Variants in AGRN observed in about 807,000 individuals in gnomAD.
AGRN encodes the protein agrin, also known as agrin proteoglycan.
In AGRN, 106 loss-of-function variants were observed where a neutral mutation model predicts 211.0. The ratio of observed to expected loss-of-function variants is 0.50; its 90% confidence interval spans 0.43 to 0.59. AGRN has a LOEUF of 0.59. Among genes scored for constraint, AGRN ranks in the 20% least tolerant of loss-of-function variants. The pLI is 0.00. For synonymous variants in AGRN, 1,525 were observed against 1,332.5 expected (o/e 1.14, Z -3.15); for missense variants, 3,040 against 2,982.6 (o/e 1.02, Z -0.45).
intron 2 of AGRN, 80 bp downstream of exon 2, chr1:1,022,542 G>GC (rs1191780157): frequency 1.3e-6 from 2 of 1,494,380 alleles, no homozygotes; most frequent in African/African-American, 2.8e-5. Context: ...GGGTCGCTGT[G>GC]CGGGGTCCTT....
Position 1,047,580 on chromosome 1 carries a change from A to G in AGRN, c.3524A>G (p.Asp1175Gly), listed in dbSNP as rs536978031. 3.2e-5 allele frequency: 51 copies of G among 1,612,664 alleles called. No homozygotes were observed. The Admixed American group carries it at 7.7e-4, about 24-fold the overall frequency. Residue 1175 changes from aspartate (D) to glycine (G), a missense_variant, in exon 21 of 36, where the codon GAC becomes GGC. By Grantham distance (94) the Asp-to-Gly change is moderately conservative. Coordinates refer to ENST00000379370, the MANE Select transcript of AGRN (RefSeq NM_198576.4). ...GCCTACTCCCTGCCACAGCTGGACG[A>G]CCTCTTCCGGAATTCAGACGTCAAG... Reference protein sequence around the residue: ...TARSIESTLDDLFRNSDVKKD... With the variant: ...TARSIESTLDGLFRNSDVKKD...
chr1:1,037,668 T>C (rs944341413), intron 3 of AGRN, among the ~76,000 whole-genome samples: 1 of 151,946 alleles, frequency 6.6e-6, no homozygotes, highest in African/African-American at 2.4e-5. Flanking sequence ...AAATGACCCA[T>C]CGGGAACACA....
At chr1:1,024,126 C>T (rs1167556625) in intron 2 of AGRN, among the ~76,000 whole-genome samples, 1 of 151,950 alleles carries the variant, frequency 6.6e-6, no homozygotes, top group African/African-American at 2.4e-5. Flanking sequence ...CAGGAGCTTC[C>T]GGTGGGACAT....
chr1:1,028,272 C>T (rs1329455176), intron 2 of AGRN, among the ~76,000 whole-genome samples: 4 of 150,464 alleles, frequency 2.7e-5, no homozygotes, highest in East Asian at 3.9e-4. Context: ...ATTCCTGCCT[C>T]GGAGCTGCCG....
At chr1:1,022,488 G>A (rs777082940) in intron 2 of AGRN, 26 bp downstream of exon 2, 1 of 1,591,630 alleles carries the variant, frequency 6.3e-7, no homozygotes, top group Non-Finnish European at 8.6e-7. Flanking sequence ...CTCGTGTGGG[G>A]GCCTGTGGGG....
rs373572083 is a variant in AGRN, at chr1:1,046,618, G to A, written c.3133G>A (p.Ala1045Thr). ...GCCCGTGCTGACGGTGCCCCCCACG[G>A]CACCCTCCCCTGCACCCAGCCTGGT... Reference protein sequence around the residue: ...VWPVLTVPPTAPSPAPSLVAS... With the variant: ...VWPVLTVPPTTPSPAPSLVAS... Residue 1045 changes from alanine to threonine, a missense_variant, in exon 18 of 36, where the codon GCA becomes ACA. Around this residue, in one of 3 missense-constraint regions of AGRN, gnomAD observed 1,537 missense variants for 1,505.0 expected, o/e 1.02. Transcript: ENST00000379370. The A allele has an allele frequency of 1.2e-5, 19 of 1,603,018 alleles. No homozygotes were observed. The highest frequency in any genetic ancestry group is 1.3e-5 in the Non-Finnish European group (15 of 1,179,238).
intron 18 of AGRN, 36 bp downstream of exon 18, chr1:1,046,771 G>T: frequency 6.4e-7 from 1 of 1,571,006 alleles, no homozygotes; most frequent in Non-Finnish European, 8.6e-7. Context: ...TGGGTGGGCA[G>T]GCGCCGAGAG....
Position 1,049,550 on chromosome 1 carries a change from TC to T in AGRN, c.4515-13del. ...GTGGCCCCTGAGCCCTGACCCGGTG[TC>T]CCTCCTGGTGGCAGGGCGCTGGAGC... On this transcript the variant is annotated splice_polypyrimidine_tract_variant and intron_variant, in intron 25 of 35. Coordinates refer to ENST00000379370, the MANE Select transcript of AGRN (RefSeq NM_198576.4). The T allele has an allele frequency of 2.5e-6, 4 of 1,589,994 alleles. No homozygotes were observed. The highest frequency in any genetic ancestry group is 2.6e-6 in the Non-Finnish European group (3 of 1,169,692).
rs143324306 is a variant in AGRN, at chr1:1,044,017, G to A, written c.1993G>A (p.Glu665Lys). ...CGAGGAGGCCCGGGCAGGGCCGTGC[G>A]AGCAGGGTAGGCCGGGGGACGCTGG... ...QIEEARAGPCEQAECGSGGSG... is the reference protein window; with the variant it reads ...QIEEARAGPCKQAECGSGGSG... Residue 665 changes from glutamate (E) to lysine (K), a missense_variant, in exon 10 of 36, where the codon GAG becomes AAG. Physicochemically the swap from Glu to Lys is moderately conservative, Grantham distance 56. Around this residue, in one of 3 missense-constraint regions of AGRN, gnomAD observed 1,498 missense variants for 1,457.8 expected, o/e 1.03. Transcript: ENST00000379370. 2.4e-3 allele frequency: 3,895 copies of A among 1,609,284 alleles called. 25 individuals are homozygous for A. The highest frequency in any genetic ancestry group is 2.6e-3 in the Non-Finnish European group (3,015 of 1,179,396).
rs147081710 is a variant in AGRN, at chr1:1,043,367, G to A, written c.1513G>A (p.Asp505Asn). 1.2e-4 allele frequency: 197 copies of A among 1,610,024 alleles called. No individual in the cohort carries two copies. The highest frequency in any genetic ancestry group is 2.9e-4 in the African/African-American group (22 of 74,924). Residue 505 changes from aspartate to asparagine, a missense_variant, in exon 8 of 36, where the codon GAC becomes AAC. Physicochemically the swap from Asp to Asn is conservative, Grantham distance 23. Transcript: ENST00000379370. ...SSLYDPVCGS[D>N]GVTYGSACEL... Reference sequence around the variant, plus strand: ...CCTCTACGATCCTGTGTGCGGCAGCGACGGCGTCACATACGGCAGCGCGTG... The same window carrying A: ...CCTCTACGATCCTGTGTGCGGCAGCAACGGCGTCACATACGGCAGCGCGTG...
intron 2 of AGRN, chr1:1,035,046 G>A (rs945082843): frequency 1.6e-6 from 1 of 610,954 alleles, no homozygotes; most frequent in African/African-American, 1.8e-5. Context: ...CATCTGACAG[G>A]GGTCAGGCCA....
At chr1:1,025,808 G>A (rs947604797) in intron 2 of AGRN, among the ~76,000 whole-genome samples, 11 of 151,928 alleles carry the variant, frequency 7.2e-5, no homozygotes, top group Admixed American at 6.5e-5. Context: ...GTAGGAAGTT[G>A]GGGCCCCACC....
In AGRN at chr1:1,046,923, G is replaced by A. The variant is rs774878358; in HGVS notation, c.3354G>A (p.Thr1118=). The change falls in exon 19 of 36, where the codon ACG becomes ACA. Residue 1118 remains threonine (T), a synonymous_variant. Transcript: ENST00000379370. ...SALGCCSDGK[T]PSLDAEGSNC... is the part of the protein sequence containing the mutation. ...TGGGCTGCTGCTCTGATGGGAAGAC[G>A]CCCTCGCTGGACGCAGAGGGCTCCA... 33 of 1,578,848 alleles carry A rather than the reference G, an allele frequency of 2.1e-5. No individual in the cohort carries two copies. In the East Asian group the frequency reaches 5.8e-4, roughly 28 times the overall value.
intron 33 of AGRN, chr1:1,052,650 C>A (rs1218922942): frequency 2.1e-5 from 3 of 143,976 alleles, no homozygotes; most frequent in Non-Finnish European, 4.1e-5. Context: ...TGTGTGTGTC[C>A]GTGTGTGTGC....
intron 17 of AGRN, 33 bp downstream of exon 17, chr1:1,046,298 C>G: frequency 6.2e-7 from 1 of 1,612,154 alleles, no homozygotes; most frequent in Non-Finnish European, 8.5e-7. Flanking sequence ...CCAGAACTGA[C>G]CAGGAAGGCC....
At chr1:1,043,186 C>CCTGCAGCG in intron 7 of AGRN, 53 bp from the exon 8 acceptor site, 1 of 1,549,526 alleles carries the variant, frequency 6.5e-7, no homozygotes, top group South Asian at 1.2e-5. Flanking sequence ...GGGGGCTTTG[C>CCTGCAGCG]CTGCAGCGGA....
At position 1,053,881 on chromosome 1, in the gene AGRN, A is replaced by G; in HGVS notation, c.5780A>G (p.His1927Arg). ...GTGGCACTGGCCATTGTGGACGGGCACCTGCAACTGAGCTACAACCTGGGC... is the reference window on the plus strand; with the variant it reads ...GTGGCACTGGCCATTGTGGACGGGCGCCTGCAACTGAGCTACAACCTGGGC... ...DYVALAIVDG[H>R]LQLSYNLGSQ... Residue 1927 changes from histidine to arginine, a missense_variant, in exon 34 of 36, where the codon CAC (histidine) becomes CGC (arginine). Physicochemically the swap from His to Arg is conservative, Grantham distance 29. Transcript: ENST00000379370. The G allele has an allele frequency of 6.2e-7, 1 of 1,609,324 alleles. No individual in the cohort carries two copies. Among genetic ancestry groups the G allele is most frequent in the South Asian group, 1.1e-5 (1 of 90,182 alleles).
rs1645173599 is a variant in AGRN at position 1,048,691 on chromosome 1, T to G, written c.4106-176T>G. ...CTGAGGCAGGAGAATCGCTTGAACC[T>G]GGCAGGCGGAGGTTGCGGTGAGCCA... is the stretch of plus-strand genomic sequence containing the variant. On this transcript the variant is annotated intron_variant, in intron 23 of 35. Coordinates refer to ENST00000379370, the MANE Select transcript of AGRN (RefSeq NM_198576.4). The surrounding 1 kb of genome is among the most constrained non-coding windows in gnomAD (Gnocchi z 5.9). 4.9e-5 allele frequency: 37 copies of G among 752,140 alleles called. No homozygotes were observed. In the South Asian group the frequency reaches 6.6e-4, roughly 13 times the overall value. The allele number at this position is 752,140 out of a possible 1,614,324, so 46.6% of individuals were successfully genotyped here.
rs775386853 is a variant in AGRN at position 1,041,659 on chromosome 1, T to G, written c.1134T>G (p.Gly378=). Residue 378 remains glycine (G), a synonymous_variant, in exon 6 of 36, where the codon GGT becomes GGG. Coordinates refer to ENST00000379370, the MANE Select transcript of AGRN (RefSeq NM_198576.4). ...TGGGCCGATCGGGGGCCGCCCGGGGTCTCCTCCTGCAGAAAGTGCGCTCCG... is the reference window on the plus strand; with the variant it reads ...TGGGCCGATCGGGGGCCGCCCGGGGGCTCCTCCTGCAGAAAGTGCGCTCCG... ...CVMGRSGAAR[G]LLLQKVRSGQ... 2 of 1,608,964 alleles carry G rather than the reference T, an allele frequency of 1.2e-6. No homozygotes were observed. Among genetic ancestry groups the G allele is most frequent in the South Asian group, 2.2e-5 (2 of 90,916 alleles).
Sources: gnomAD v4.1 joint callset for allele counts (sites outside exome capture counted in the v4.1 genomes callset) on GRCh38, gnomAD v4.1.1 for gene constraint, gnomAD v4.1.1 regional missense constraint, Gnocchi (gnomAD v3.1) non-coding constraint, MANE v1.5 for transcripts, NCBI Gene and HGNC (gene_info 2026-07-23, HGNC 2026-07-21) for gene names.